SELENOI: variants seen among roughly 807,000 people sequenced by gnomAD.
SELENOI encodes the protein selenoprotein I.
A neutral mutation model predicts 50.7 loss-of-function variants in SELENOI; 24 were observed. That is an observed-to-expected ratio of 0.47 (90% confidence interval 0.34 to 0.67). The LOEUF (loss-of-function observed/expected upper bound fraction) is 0.67, where lower values mean the gene tolerates loss of function less well. Among genes scored for constraint, SELENOI ranks in the 30% least tolerant of loss-of-function variants. SELENOI has a pLI of 0.01. For synonymous variants in SELENOI, 155 were observed against 170.2 expected (o/e 0.91, Z 0.70); for missense variants, 352 against 461.4 (o/e 0.76, Z 2.17).
chr2:26,389,020 A>G lies in SELENOI; in HGVS notation c.1111A>G (p.Ser371Gly). ...YGVRVVKQLS[S>G]HFQIYPFSLR... ...TTTTTCATAGGTAAAGCAGCTGAGC[A>G]GCCATTTTCAGATTTACCCCTTCTC... Residue 371 changes from serine (S) to glycine (G), a missense_variant, in exon 10 of 10, where the codon AGC becomes GGC. Coordinates refer to ENST00000260585, the MANE Select transcript of SELENOI (RefSeq NM_033505.4). 1.3e-6 allele frequency: 2 copies of G among 1,587,014 alleles called. No individual in the cohort carries two copies. The highest frequency in any genetic ancestry group is 1.3e-5 in the African/African-American group (1 of 74,614).
intron 6 of SELENOI, among the ~76,000 whole-genome samples, chr2:26,381,663 A>C (rs912888835): frequency 6.6e-6 from 1 of 152,192 alleles, no homozygotes; most frequent in African/African-American, 2.4e-5. Context: ...GACGTGGAGT[A>C]AGCTGCTAAA....
chr2:26,376,905 T>C (rs1401706733), intron 6 of SELENOI, among the ~76,000 whole-genome samples: 1 of 152,254 alleles, frequency 6.6e-6, no homozygotes, highest in Non-Finnish European at 1.5e-5. Context: ...CACTCTGTAA[T>C]GTATTATTTT....
intron 1 of SELENOI, among the ~76,000 whole-genome samples, chr2:26,347,123 A>T (rs1410243803): frequency 6.6e-6 from 1 of 152,164 alleles, no homozygotes; most frequent in African/African-American, 2.4e-5. Flanking sequence ...CAGTCGACCA[A>T]GCCTGAAATA....
intron 1 of SELENOI, among the ~76,000 whole-genome samples, chr2:26,360,156 T>A (rs1440405004): frequency 1.3e-5 from 2 of 152,248 alleles, no homozygotes; most frequent in African/African-American, 2.4e-5. Flanking sequence ...TTTAAAAGTC[T>A]GCATTTTATC....
At position 26,393,551 on chromosome 2, in the gene SELENOI, G is replaced by A. The variant is rs1678017568; in HGVS notation, c.*4448G>A. ...GGCCAGGATCCCAGAATTGGAAGGT[G>A]CCACATATACTTTTAGAATATTTTA... On this transcript the variant is annotated 3_prime_UTR_variant, in exon 10 of 10. Transcript: ENST00000260585. 2 of 152,166 alleles carry A rather than the reference G, an allele frequency of 1.3e-5. No individual in the cohort carries two copies. Among genetic ancestry groups the A allele is most frequent in the African/African-American group, 2.4e-5 (1 of 41,418 alleles). The allele number at this position is 152,166 out of a possible 1,614,324, so 9.4% of individuals were successfully genotyped here.
chr2:26,363,742 G>A (rs1677229226), intron 1 of SELENOI, among the ~76,000 whole-genome samples: 1 of 152,092 alleles, frequency 6.6e-6, no homozygotes, highest in African/African-American at 2.4e-5. Context: ...AAAAATAGGT[G>A]TATTCTCCAG....
intron 4 of SELENOI, among the ~76,000 whole-genome samples, chr2:26,370,795 T>C: frequency 8.2e-6 from 1 of 121,382 alleles, no homozygotes; most frequent in East Asian, 2.8e-4. Flanking sequence ...GAGGGGCTCC[T>C]CACCTCCCGG....
chr2:26,352,771 G>A (rs544030317), intron 1 of SELENOI, among the ~76,000 whole-genome samples: 1 of 150,162 alleles, frequency 6.7e-6, no homozygotes, highest in African/African-American at 2.4e-5. Flanking sequence ...GAGACAGAGC[G>A]AGACTTCATC....
chr2:26,361,355 A>G (rs1412787100), intron 1 of SELENOI, among the ~76,000 whole-genome samples: 1 of 152,238 alleles, frequency 6.6e-6, no homozygotes. Flanking sequence ...TTTTTCCTAT[A>G]CATACACACC....
chr2:26,380,186 A>G (rs1394250415), intron 6 of SELENOI, among the ~76,000 whole-genome samples: 1 of 152,246 alleles, frequency 6.6e-6, no homozygotes, highest in Non-Finnish European at 1.5e-5. Flanking sequence ...AAATTTACAG[A>G]ATGAGGTATA....
intron 4 of SELENOI, among the ~76,000 whole-genome samples, chr2:26,370,867 G>A (rs1677414389): frequency 7.2e-6 from 1 of 137,974 alleles, no homozygotes; most frequent in Non-Finnish European, 1.6e-5. Context: ...GGGGCGGCTG[G>A]CCAGGCGGGG....
intron 6 of SELENOI, among the ~76,000 whole-genome samples, chr2:26,379,718 A>G (rs924423693): frequency 6.6e-6 from 1 of 152,240 alleles, no homozygotes; most frequent in Admixed American, 6.5e-5. Context: ...TTCAGTGGAT[A>G]GGTAAGGAAA....
In SELENOI at chr2:26,386,477, C is replaced by T. The variant is rs1343972929; in HGVS notation, c.1036C>T (p.Leu346Phe). Residue 346 changes from leucine (L) to phenylalanine (F), a missense_variant, in exon 9 of 10, where the codon CTC becomes TTC. Physicochemically the swap from Leu to Phe is conservative, Grantham distance 22. Transcript: ENST00000260585. Reference protein sequence around the residue: ...LGVASYVESILLYTLTTAFTL... With the variant: ...LGVASYVESIFLYTLTTAFTL... ...AGTAGCCTCTTACGTTGAGAGCATT[C>T]TCCTGTATACATTAACAACTGCTTT... is the stretch of plus-strand genomic sequence containing the variant. The T allele has an allele frequency of 6.2e-7, 1 of 1,613,642 alleles. No individual in the cohort carries two copies. The highest frequency in any genetic ancestry group is 1.3e-5 in the African/African-American group (1 of 74,876).
At chr2:26,349,932 CAAAAAAAAAAA>C (rs70950184) in intron 1 of SELENOI, among the ~76,000 whole-genome samples, 4 of 55,286 alleles carry the variant, frequency 7.2e-5, no homozygotes, top group African/African-American at 2.5e-4. Context: ...CTCATCTCCA[CAAAAAAAAAAA>C]AAAAAAAAAA....
chr2:26,388,863 C>T, intron 9 of SELENOI, 142 bp from the exon 10 acceptor site: 2 of 662,716 alleles, frequency 3.0e-6, no homozygotes, highest in Non-Finnish European at 5.2e-6. Flanking sequence ...TATAGCTATC[C>T]TAATCCAGAA....
intron 4 of SELENOI, among the ~76,000 whole-genome samples, chr2:26,368,036 C>G (rs1193029115): frequency 6.6e-6 from 1 of 152,206 alleles, no homozygotes. Context: ...ATCGTAGACA[C>G]TCGGTACATA....
chr2:26,355,982 T>C (rs1214060732), intron 1 of SELENOI, among the ~76,000 whole-genome samples: 2 of 152,230 alleles, frequency 1.3e-5, no homozygotes, highest in Non-Finnish European at 2.9e-5. Context: ...GTTCAAGCTA[T>C]CTGCCTATCT....
intron 6 of SELENOI, among the ~76,000 whole-genome samples, chr2:26,382,381 T>C (rs532488426): frequency 6.8e-4 from 104 of 152,222 alleles, no homozygotes; most frequent in Middle Eastern, 6.8e-3. Flanking sequence ...AGGAAAGAAT[T>C]TCAGTTTAGT....
chr2:26,373,251 C>G (rs1677497085), intron 4 of SELENOI, 116 bp from the exon 5 acceptor site: 1 of 1,266,400 alleles, frequency 7.9e-7, no homozygotes, highest in Non-Finnish European at 1.1e-6. Context: ...GATAGCTATA[C>G]TTAACATTCC....
Sources: gnomAD v4.1 joint callset for allele counts (sites outside exome capture counted in the v4.1 genomes callset) on GRCh38, gnomAD v4.1.1 for gene constraint, MANE v1.5 for transcripts, NCBI Gene and HGNC (gene_info 2026-07-23, HGNC 2026-07-21) for gene names.